STXBP5: variants seen among roughly 807,000 people sequenced by gnomAD.
STXBP5 encodes syntaxin-binding protein 5.
STXBP5 carries 50 observed loss-of-function variants against 152.4 expected under a neutral mutation model. That is an observed-to-expected ratio of 0.33 (90% CI 0.26 to 0.42). The LOEUF is 0.42. Ranked by LOEUF, STXBP5 falls within the 10% of genes least tolerant of loss-of-function variation. The pLI, the probability that STXBP5 is intolerant of heterozygous loss-of-function variation, is 1.00. For synonymous variants in STXBP5, 492 were observed against 494.7 expected (o/e 0.99, Z 0.07); for missense variants, 1,167 against 1,388.6 (o/e 0.84, Z 2.54).
intron 8 of STXBP5, among the ~76,000 whole-genome samples, chr6:147,279,066 T>C (rs2786184): frequency 0.33 from 50,729 of 152,118 alleles, 9,936 homozygotes; most frequent in East Asian, 0.56. Flanking sequence ...CAGGGAATAA[T>C]GAGCGTTTTC....
intron 21 of STXBP5, chr6:147,351,924 C>T: frequency 1.0e-6 from 1 of 980,396 alleles, no homozygotes; most frequent in Non-Finnish European, 1.2e-6. Flanking sequence ...TCCTAACAGT[C>T]CAAAATTTAA....
intron 10 of STXBP5, among the ~76,000 whole-genome samples, 183 bp downstream of exon 10, chr6:147,310,421 G>A (rs1782307015): frequency 6.6e-6 from 1 of 151,844 alleles, no homozygotes; most frequent in Non-Finnish European, 1.5e-5. Flanking sequence ...AATCTGTTTT[G>A]AAGAATAAAA....
chr6:147,294,610 C>T (rs1334101917), intron 9 of STXBP5, among the ~76,000 whole-genome samples: 1 of 151,910 alleles, frequency 6.6e-6, no homozygotes, highest in Non-Finnish European at 1.5e-5. Context: ...AGTATTCCTT[C>T]CTAAATTGAG....
intron 26 of STXBP5, among the ~76,000 whole-genome samples, chr6:147,380,382 G>T (rs542024598): frequency 6.8e-6 from 1 of 147,392 alleles, no homozygotes; most frequent in African/African-American, 2.5e-5. Context: ...TTACAAGGAC[G>T]CCAAGAAAAT....
intron 18 of STXBP5, among the ~76,000 whole-genome samples, chr6:147,329,614 A>AG (rs1554215495): frequency 1.9e-5 from 2 of 104,370 alleles, no homozygotes; most frequent in Non-Finnish European, 3.8e-5. Flanking sequence ...ATTGTTCTTC[A>AG]GGCTTTTTTT....
intron 18 of STXBP5, among the ~76,000 whole-genome samples, chr6:147,330,842 A>G (rs1783532280): frequency 6.6e-6 from 1 of 152,188 alleles, no homozygotes; most frequent in African/African-American, 2.4e-5. Flanking sequence ...TCAGCAAACT[A>G]TTGTCTGTAG....
intron 4 of STXBP5, among the ~76,000 whole-genome samples, chr6:147,247,403 T>C (rs1778862839): frequency 1.3e-5 from 2 of 152,188 alleles, no homozygotes; most frequent in African/African-American, 4.8e-5. Context: ...CTGGACCTAA[T>C]TCTGATCTAC....
intron 3 of STXBP5, 63 bp downstream of exon 3, chr6:147,235,394 G>A (rs1262839725): frequency 1.5e-6 from 2 of 1,303,494 alleles, no homozygotes; most frequent in African/African-American, 1.5e-5. Context: ...TAGTCTTTCA[G>A]ATTTCTTACA....
At chr6:147,366,571 T>G (rs1785300030) in intron 25 of STXBP5, among the ~76,000 whole-genome samples, 1 of 152,184 alleles carries the variant, frequency 6.6e-6, no homozygotes, top group Non-Finnish European at 1.5e-5. Context: ...GCCACATCAC[T>G]GGAATCTCTG....
chr6:147,206,146 G>T lies in STXBP5; in HGVS notation c.248+78G>T. On this transcript the variant is annotated intron_variant, in intron 2 of 27. Coordinates refer to ENST00000321680, the MANE Select transcript of STXBP5 (RefSeq NM_001127715.4). ...TTCTGTGTTGCTGATTAGTTCCAAA[G>T]AAAGTTTTTATTTTCCTGTTGGTGT... is the stretch of plus-strand genomic sequence containing the variant. The T allele has an allele frequency of 1.0e-5, 13 of 1,295,176 alleles. No homozygotes were observed. The South Asian group carries it at 1.6e-4, about 16-fold the overall frequency. 80.2% of individuals were successfully genotyped at this position (1,295,176 alleles called of 1,614,324 possible).
chr6:147,277,965 A>G (rs2128341582), intron 7 of STXBP5, 116 bp from the exon 8 acceptor site: 6 of 903,420 alleles, frequency 6.6e-6, no homozygotes, highest in Non-Finnish European at 9.7e-6. Flanking sequence ...TTAAGTTCAC[A>G]TGTTAACCTT....
At position 147,333,945 on chromosome 6, in the gene STXBP5, T is replaced by G. The variant is rs546449939; in HGVS notation, c.2081-212T>G. On this transcript the variant is annotated intron_variant, in intron 18 of 27. Transcript: ENST00000321680. ...ATTTTATCATAGATTATATTTTTATTTGTTTTAACTGATGAGTGCTGTATT... is the reference window on the plus strand; with the variant it reads ...ATTTTATCATAGATTATATTTTTATGTGTTTTAACTGATGAGTGCTGTATT... Among the ~76,000 whole-genome samples the G allele has an allele frequency of 3.3e-5, 5 of 152,302 alleles. No homozygotes were observed. The South Asian group carries it at 6.2e-4, about 19-fold the overall frequency.
At chr6:147,278,462 G>A (rs1218272013) in intron 8 of STXBP5, among the ~76,000 whole-genome samples, 1 of 152,112 alleles carries the variant, frequency 6.6e-6, no homozygotes, top group East Asian at 1.9e-4. Context: ...TGAATATCAT[G>A]TCTCTAATAG....
intron 3 of STXBP5, among the ~76,000 whole-genome samples, chr6:147,236,462 T>G (rs1484363669): frequency 6.6e-6 from 1 of 152,186 alleles, no homozygotes; most frequent in African/African-American, 2.4e-5. Flanking sequence ...TACCCTTCTT[T>G]TAGCTTCTCC....
intron 25 of STXBP5, among the ~76,000 whole-genome samples, chr6:147,369,508 T>G (rs1376651890): frequency 6.6e-6 from 1 of 152,020 alleles, no homozygotes; most frequent in Non-Finnish European, 1.5e-5. Flanking sequence ...GAAGACACTT[T>G]TTAAAATGAA....
chr6:147,205,766 C>G (rs1776519609), intron 1 of STXBP5, among the ~76,000 whole-genome samples: 1 of 152,148 alleles, frequency 6.6e-6, no homozygotes, highest in Admixed American at 6.5e-5. Flanking sequence ...AAGTATATCA[C>G]TGGACTAGAT....
In STXBP5 at chr6:147,310,047, A is replaced by G. The variant is rs200807283; in HGVS notation, c.918-37A>G. 2.2e-4 allele frequency: 296 copies of G among 1,369,968 alleles called. 3 individuals are homozygous for G. In the Middle Eastern group the frequency reaches 3.5e-3, roughly 16 times the overall value. 84.9% of individuals were successfully genotyped at this position (1,369,968 alleles called of 1,614,324 possible). On this transcript the variant is annotated intron_variant, in intron 9 of 27. Coordinates refer to ENST00000321680, the MANE Select transcript of STXBP5 (RefSeq NM_001127715.4). ...ATGTAGCAAGAAAATTATCTTTACT[A>G]TGCCATTAATAATCTTAATATGTAT...
At chr6:147,266,987 A>G (rs757666056) in intron 6 of STXBP5, 97 bp from the exon 7 acceptor site, 25 of 979,554 alleles carry the variant, frequency 2.6e-5, no homozygotes, top group Non-Finnish European at 3.3e-5. Context: ...TTTATACTCA[A>G]CGCATTTGAA....
rs1009848711 is a variant in STXBP5 at position 147,390,239 on chromosome 6, T to G, written c.*5484T>G. The stretch of plus-strand genomic sequence containing the variant: ...TGGAAACACTAAAAACGTGTTAAAC[T>G]TTGTAGTTATTTTGCATTCCTGTAC... On this transcript the variant is annotated 3_prime_UTR_variant, in exon 28 of 28. Coordinates refer to ENST00000321680, the MANE Select transcript of STXBP5 (RefSeq NM_001127715.4). The G allele has an allele frequency of 2.0e-5, 3 of 152,066 alleles. No homozygotes were observed. Among genetic ancestry groups the G allele is most frequent in the African/African-American group, 7.2e-5 (3 of 41,442 alleles). 9.4% of individuals were successfully genotyped at this position (152,066 alleles called of 1,614,324 possible).
Sources: allele counts gnomAD v4.1 joint callset (sites outside exome capture counted in the v4.1 genomes callset), GRCh38; gene constraint gnomAD v4.1.1; transcripts MANE v1.5; gene names NCBI Gene and HGNC (gene_info 2026-07-23, HGNC 2026-07-21).